IL1RAPL1: variants seen among roughly 807,000 people sequenced by gnomAD.
The protein encoded by IL1RAPL1 is interleukin 1 receptor accessory protein like 1.
A neutral mutation model predicts 48.4 loss-of-function variants in IL1RAPL1; 3 were observed. The observed-to-expected ratio is 0.06, with a 90% CI of 0.03 to 0.16. The LOEUF (loss-of-function observed/expected upper bound fraction) is 0.16. Ranked by LOEUF, IL1RAPL1 falls within the 10% of genes least tolerant of loss-of-function variation. IL1RAPL1 has a pLI of 1.00. For synonymous variants in IL1RAPL1, 185 were observed against 187.7 expected (o/e 0.99, Z 0.12); for missense variants, 349 against 530.6 (o/e 0.66, Z 3.36).
chrX:29,246,677 G>GTAC (rs1473903803), intron 2 of IL1RAPL1, among the ~76,000 whole-genome samples: 2 of 111,395 alleles, frequency 1.8e-5, no homozygotes, highest in Non-Finnish European at 3.8e-5. Context: ...AGCATACTGG[G>GTAC]TACTATTTTT....
intron 2 of IL1RAPL1, among the ~76,000 whole-genome samples, chrX:28,836,384 G>GAGAC (rs1424323134): frequency 1.1e-5 from 1 of 92,747 alleles, no homozygotes; most frequent in Non-Finnish European, 2.0e-5. Flanking sequence ...GAGAGAGAGA[G>GAGAC]AGACAGACAG....
intron 6 of IL1RAPL1, among the ~76,000 whole-genome samples, chrX:29,670,338 G>C (rs1178959958): frequency 1.8e-5 from 2 of 111,921 alleles, no homozygotes; most frequent in Non-Finnish European, 3.8e-5. Flanking sequence ...AGAAATATGG[G>C]CATGTCTGTT....
At chrX:29,438,437 C>T in intron 5 of IL1RAPL1, among the ~76,000 whole-genome samples, 1 of 110,638 alleles carries the variant, frequency 9.0e-6, no homozygotes, top group East Asian at 2.8e-4. Flanking sequence ...GTTCATCGTG[C>T]TTTTTCTTTT....
chrX:29,803,184 T>C (rs779664306), intron 6 of IL1RAPL1, among the ~76,000 whole-genome samples: 1 of 29,456 alleles, frequency 3.4e-5, no homozygotes, highest in African/African-American at 1.4e-4. Context: ...TACATATATG[T>C]ATATATGTAT....
chrX:28,838,103 T>C (rs980819659), intron 2 of IL1RAPL1, among the ~76,000 whole-genome samples: 1 of 109,683 alleles, frequency 9.1e-6, no homozygotes. Context: ...AGAACGTTAG[T>C]TGCTATGTGG....
At chrX:28,932,762 A>C (rs1373983710) in intron 2 of IL1RAPL1, among the ~76,000 whole-genome samples, 2 of 110,584 alleles carry the variant, frequency 1.8e-5, no homozygotes, top group Admixed American at 1.9e-4. Context: ...TAGAAAAAAA[A>C]AATCACTAAA....
intron 2 of IL1RAPL1, among the ~76,000 whole-genome samples, chrX:29,176,238 C>T (rs1201101856): frequency 1.9e-5 from 2 of 104,963 alleles, no homozygotes; most frequent in East Asian, 3.0e-4. Context: ...GGACCACAGG[C>T]GCCCACCACC....
In IL1RAPL1 at chrX:29,010,380, T is replaced by C. The variant is rs183730574; in HGVS notation, c.82+220955T>C. 3.6e-5 allele frequency among the ~76,000 whole-genome samples: 4 copies of C among 111,783 alleles called. No individual in the cohort carries two copies. In the Admixed American group the frequency reaches 3.8e-4, roughly 11 times the overall value. On this transcript the variant is annotated intron_variant, in intron 2 of 10. Coordinates refer to ENST00000378993, the MANE Select transcript of IL1RAPL1 (RefSeq NM_014271.4). The stretch of plus-strand genomic sequence containing the variant: ...AGTTTAGTATGATGTTGACTGTAGG[T>C]TTGTCATAGATGTCTCATTATTTTG...
chrX:29,778,079 A>T (rs2147155132), intron 6 of IL1RAPL1, among the ~76,000 whole-genome samples: 1 of 111,209 alleles, frequency 9.0e-6, no homozygotes, highest in South Asian at 3.7e-4. Flanking sequence ...TCTTTGGAAG[A>T]CATATCAATA....
At chrX:29,614,634 C>T (rs1199517547) in intron 5 of IL1RAPL1, among the ~76,000 whole-genome samples, 1 of 111,537 alleles carries the variant, frequency 9.0e-6, no homozygotes, top group Non-Finnish European at 1.9e-5. Flanking sequence ...TATTAGTGTA[C>T]GGTAAAGCTT....
chrX:28,859,987 G>T (rs1189201780), intron 2 of IL1RAPL1, among the ~76,000 whole-genome samples: 1 of 110,529 alleles, frequency 9.0e-6, no homozygotes, highest in East Asian at 2.9e-4. Flanking sequence ...TCCATTGAAG[G>T]TACCACTCAC....
chrX:29,506,427 CTCCTT>C lies in IL1RAPL1; in HGVS notation c.703+107120_703+107124del, dbSNP rs1379599189. Among the ~76,000 whole-genome samples, 278 of 85,242 alleles carry C rather than the reference CTCCTT, an allele frequency of 3.3e-3. 1 individual carries two copies. Among genetic ancestry groups the C allele is most frequent in the African/African-American group, 0.011 (261 of 23,246 alleles). The allele number at this position is 85,242 out of a possible 115,157, so 74.0% of individuals were successfully genotyped here. On this transcript the variant is annotated intron_variant, in intron 5 of 10. Coordinates refer to ENST00000378993, the MANE Select transcript of IL1RAPL1 (RefSeq NM_014271.4). Reference sequence around the variant, plus strand: ...GATTTGATTTTCTCTTCTTCTTCTTCTCCTTCTCCTTCTCCTCCTCCTCCTCCTCC... The same window carrying C: ...GATTTGATTTTCTCTTCTTCTTCTTCCTCCTTCTCCTCCTCCTCCTCCTCC...
intron 5 of IL1RAPL1, among the ~76,000 whole-genome samples, chrX:29,429,861 A>G (rs1934394658): frequency 9.3e-6 from 1 of 107,403 alleles, no homozygotes; most frequent in Non-Finnish European, 1.9e-5. Context: ...TGTCATATAT[A>G]TAATTATAGT....
intron 1 of IL1RAPL1, among the ~76,000 whole-genome samples, chrX:28,734,407 A>C (rs1165976801): frequency 9.0e-6 from 1 of 111,541 alleles, no homozygotes; most frequent in Non-Finnish European, 1.9e-5. Context: ...CTCTAGCCAC[A>C]GTGACACCTC....
At chrX:29,678,188 TACCAAAATGTACTTAA>T (rs1274455522) in intron 6 of IL1RAPL1, among the ~76,000 whole-genome samples, 1 of 109,999 alleles carries the variant, frequency 9.1e-6, no homozygotes, top group African/African-American at 3.3e-5. Context: ...ATGAGGCTAT[TACCAAAATGTACTTAA>T]ACATGTGCTC....
At chrX:29,325,267 G>A (rs1275665229) in intron 3 of IL1RAPL1, among the ~76,000 whole-genome samples, 1 of 112,173 alleles carries the variant, frequency 8.9e-6, no homozygotes, top group East Asian at 2.8e-4. Context: ...TTGTCACATA[G>A]TAAGCACTAT....
At chrX:29,885,904 G>C (rs1019233139) in intron 6 of IL1RAPL1, among the ~76,000 whole-genome samples, 1 of 112,050 alleles carries the variant, frequency 8.9e-6, no homozygotes, top group Admixed American at 9.5e-5. Flanking sequence ...AAACTGAATG[G>C]TTTATTAAAG....
intron 1 of IL1RAPL1, among the ~76,000 whole-genome samples, chrX:28,770,300 A>T (rs2147256401): frequency 9.0e-6 from 1 of 111,148 alleles, no homozygotes; most frequent in Admixed American, 9.6e-5. Flanking sequence ...AGGATGTAAA[A>T]TTACAACTGC....
At chrX:28,977,519 GC>G (rs758863952) in intron 2 of IL1RAPL1, among the ~76,000 whole-genome samples, 78 of 111,982 alleles carry the variant, frequency 7.0e-4, no homozygotes, top group Non-Finnish European at 9.4e-4. Flanking sequence ...CTTCCACCAG[GC>G]CCGACCTCCA....
Sources: gnomAD v4.1 joint callset for allele counts (sites outside exome capture counted in the v4.1 genomes callset) on GRCh38, gnomAD v4.1.1 for gene constraint, MANE v1.5 for transcripts, NCBI Gene and HGNC (gene_info 2026-07-23, HGNC 2026-07-21) for gene names.